Variants in CLCNKA observed in about 807,000 individuals in gnomAD.
The protein encoded by CLCNKA is chloride voltage-gated channel Ka.
In CLCNKA, 66 loss-of-function variants were observed where a neutral mutation model predicts 83.3. The observed-to-expected ratio is 0.79, with a 90% CI of 0.65 to 0.97. The LOEUF is 0.97. CLCNKA is among the 50% of genes least tolerant of loss of function. CLCNKA has a pLI of 0.00. For synonymous variants in CLCNKA, 357 were observed against 370.4 expected, an observed-to-expected ratio of 0.96 and a Z score of 0.42; for missense variants, 806 against 888.7, an observed-to-expected ratio of 0.91 and a Z score of 1.18.
intron 11 of CLCNKA, 104 bp downstream of exon 11, chr1:16,028,949 T>C: frequency 6.6e-7 from 1 of 1,513,688 alleles, no homozygotes; most frequent in Non-Finnish European, 9.1e-7. Flanking sequence ...GGGTGACACC[T>C]GGGCATCATT....
intron 8 of CLCNKA, 50 bp downstream of exon 8, chr1:16,027,485 A>T: frequency 6.2e-7 from 1 of 1,608,632 alleles, no homozygotes; most frequent in East Asian, 2.2e-5. Flanking sequence ...GGCCGGGGCG[A>T]GGGAGACCTC....
At chr1:16,028,734 G>A in intron 10 of CLCNKA, 27 bp from the exon 11 acceptor site, 2 of 1,613,582 alleles carry the variant, frequency 1.2e-6, no homozygotes, top group Non-Finnish European at 1.7e-6. Context: ...GGGAGGGCCA[G>A]CCCTAGAGCT....
chr1:16,029,107 C>A lies in CLCNKA; in HGVS notation c.1054-19C>A, dbSNP rs1462451410. ...TGGGGGGGGCCCCTCATGTCCAGTT[C>A]CCACCTGCCCCGCCACAGCTGTCCA... On this transcript the variant is annotated intron_variant, in intron 11 of 19. Coordinates refer to ENST00000331433, the MANE Select transcript of CLCNKA (RefSeq NM_004070.4). The A allele has an allele frequency of 3.1e-6, 5 of 1,609,442 alleles. No homozygotes were observed. The Admixed American group carries it at 8.3e-5, about 27-fold the overall frequency.
At chr1:16,023,668 G>A (rs1231911722) in intron 2 of CLCNKA, 132 bp from the exon 3 acceptor site, 8 of 1,020,152 alleles carry the variant, frequency 7.8e-6, no homozygotes, top group Admixed American at 2.0e-5. Context: ...TGACTCAGGC[G>A]GGGCCCCCTC....
rs2015509 is a variant in CLCNKA at position 16,031,653 on chromosome 1, T to C, written c.1623-57T>C. 0.68 allele frequency: 1,091,873 copies of C among 1,611,852 alleles called. 373,054 individuals carry two copies. The highest frequency in any genetic ancestry group is 0.98 in the East Asian group (44,005 of 44,846). On this transcript the variant is annotated intron_variant, in intron 15 of 19. Transcript: ENST00000331433. ...CAAAGCTCCCCTCAGATCCCCTTGC[T>C]GGCCTGGGTCTGACATCCCCGACTC... is the stretch of plus-strand genomic sequence containing the variant.
At chr1:16,026,484 G>C (rs1198564079) in intron 5 of CLCNKA, 52 bp from the exon 6 acceptor site, 3 of 1,585,638 alleles carry the variant, frequency 1.9e-6, no homozygotes, top group East Asian at 2.2e-5. Context: ...GTGCTGCCTC[G>C]GGGTGAGACT....
chr1:16,027,564 C>T, intron 8 of CLCNKA, 129 bp downstream of exon 8: 1 of 1,510,610 alleles, frequency 6.6e-7, no homozygotes, highest in Non-Finnish European at 9.0e-7. Context: ...CCTCCGTGTT[C>T]CCACCTCCTT....
chr1:16,029,461 G>C lies in CLCNKA; in HGVS notation c.1227+162G>C, dbSNP rs552271788. 88 of 1,178,234 alleles carry C rather than the reference G, an allele frequency of 7.5e-5. No homozygotes were observed. The Middle Eastern group carries it at 1.5e-3, about 20-fold the overall frequency. The allele number at this position is 1,178,234 out of a possible 1,614,324, so 73.0% of individuals were successfully genotyped here. A position where few individuals can be genotyped will look rare whatever the true frequency, so the allele number is the denominator to read the frequency against. ...CATGGTCCTGGATAAGTGGCTTCAG[G>C]TCTCTGGACCTCAGTCTTCCCATCT... On this transcript the variant is annotated intron_variant, in intron 12 of 19. Coordinates refer to ENST00000331433, the MANE Select transcript of CLCNKA (RefSeq NM_004070.4).
At position 16,031,816 on chromosome 1, in the gene CLCNKA, A is replaced by G. The variant is rs139001368; in HGVS notation, c.1729A>G (p.Thr577Ala). 1.3e-5 allele frequency: 21 copies of G among 1,612,312 alleles called. No individual in the cohort carries two copies. The highest frequency in any genetic ancestry group is 2.2e-5 in the South Asian group (2 of 91,008). The part of the protein sequence containing the change: ...VVKVVTSTDV[T>A]EYPLVESTES... ...CAAGGTTGTGACCTCCACAGACGTG[A>G]CCGAGTATCCCCTGGTGGAGAGCAC... The change falls in exon 16 of 20, where the codon ACC becomes GCC. Residue 577 changes from threonine (T) to alanine (A), a missense_variant. By Grantham distance (58) the Thr-to-Ala change is moderately conservative. Coordinates refer to ENST00000331433, the MANE Select transcript of CLCNKA (RefSeq NM_004070.4).
At chr1:16,032,564 G>C in intron 18 of CLCNKA, 38 bp downstream of exon 18, 1 of 1,494,678 alleles carries the variant, frequency 6.7e-7, no homozygotes, top group Non-Finnish European at 9.3e-7. Context: ...CGCAGCCCCC[G>C]GGGCAGGGCA....
chr1:16,028,866 GT>G, intron 11 of CLCNKA, 21 bp downstream of exon 11: 2 of 1,612,160 alleles, frequency 1.2e-6, no homozygotes, highest in Non-Finnish European at 1.7e-6. Flanking sequence ...CTGAGCGGGG[GT>G]GGCAGGAGTG....
chr1:16,032,237 C>G lies in CLCNKA; in HGVS notation c.1791C>G (p.Ala597=). 6.2e-7 allele frequency: 1 copy of G among 1,612,704 alleles called. No homozygotes were observed. Among genetic ancestry groups the G allele is most frequent in the Non-Finnish European group, 8.5e-7 (1 of 1,179,956 alleles). ...TCCTGGTAGGCATCGTGCAGAGGGC[C>G]CAGCTGGTGCAGGCCCTCCAGGCTG... ...SQILVGIVQR[A]QLVQALQAEP... is the part of the protein sequence containing the mutation. Residue 597 remains alanine, a synonymous_variant, in exon 17 of 20, where the codon GCC becomes GCG. Transcript: ENST00000331433.
rs2022430011 is a variant in CLCNKA at position 16,027,837 on chromosome 1, C to G, written c.798C>G (p.Leu266=). ...CTTCCCCAGAGACCATCACCTCCCTCTACAAGACCAGTTTCCGGGTGGACG... is the reference window on the plus strand; with the variant it reads ...CTTCCCCAGAGACCATCACCTCCCTGTACAAGACCAGTTTCCGGGTGGACG... The part of the protein sequence containing the change: ...FNSEQETITS[L]YKTSFRVDVP... The change falls in exon 9 of 20, where the codon CTC becomes CTG. Residue 266 remains leucine, a synonymous_variant. Transcript: ENST00000331433. 1 of 1,611,776 alleles carries G rather than the reference C, an allele frequency of 6.2e-7. No homozygotes were observed. The highest frequency in any genetic ancestry group is 1.3e-5 in the African/African-American group (1 of 74,836).
At position 16,033,155 on chromosome 1, in the gene CLCNKA, C is replaced by G; in HGVS notation, c.1930-15C>G. The G allele has an allele frequency of 6.2e-7, 1 of 1,613,656 alleles. No homozygotes were observed. The highest frequency in any genetic ancestry group is 8.5e-7 in the Non-Finnish European group (1 of 1,179,572). On this transcript the variant is annotated splice_polypyrimidine_tract_variant and intron_variant, in intron 18 of 19. Coordinates refer to ENST00000331433, the MANE Select transcript of CLCNKA (RefSeq NM_004070.4). ...CCATCTACCCTCCAGTGTTTCCTAA[C>G]AATCCCCCATCCAGGCACAAAACCT...
At chr1:16,029,442 C>T in intron 12 of CLCNKA, 143 bp downstream of exon 12, 2 of 1,327,544 alleles carry the variant, frequency 1.5e-6, no homozygotes, top group Non-Finnish European at 2.1e-6. Context: ...ACTGCATGGT[C>T]CTGGATAAGT....
intron 10 of CLCNKA, 57 bp from the exon 11 acceptor site, chr1:16,028,704 T>G: frequency 6.3e-7 from 1 of 1,595,528 alleles, no homozygotes; most frequent in African/African-American, 1.3e-5. Context: ...CCTACTTCCC[T>G]CTCCTCGGGA....
chr1:16,026,251 T>C lies in CLCNKA; in HGVS notation c.498+4T>C. ...CACCCTGTTCCTGGGCAAAGTGGTA[T>C]GGTCAGGTGTGAGGGCACCCCAGCC... On this transcript the variant is annotated splice_donor_region_variant and intron_variant, in intron 5 of 19. Transcript: ENST00000331433. 1.9e-6 allele frequency: 3 copies of C among 1,613,712 alleles called. No homozygotes were observed. Among genetic ancestry groups the C allele is most frequent in the Non-Finnish European group, 2.5e-6 (3 of 1,180,010 alleles).
intron 3 of CLCNKA, among the ~76,000 whole-genome samples, 166 bp downstream of exon 3, chr1:16,024,094 C>G (rs891652234): frequency 6.6e-6 from 1 of 152,232 alleles, no homozygotes; most frequent in Non-Finnish European, 1.5e-5. Context: ...GCTCCTGCCC[C>G]TCTCTGGGCC....
At chr1:16,031,060 T>C (rs2022605359) in intron 15 of CLCNKA, among the ~76,000 whole-genome samples, 1 of 152,170 alleles carries the variant, frequency 6.6e-6, no homozygotes, top group Non-Finnish European at 1.5e-5. Context: ...GCTGGGACTT[T>C]GGGAGCAGGA....
Sources: gnomAD v4.1 joint callset for allele counts (sites outside exome capture counted in the v4.1 genomes callset) on GRCh38, gnomAD v4.1.1 for gene constraint, MANE v1.5 for transcripts, NCBI Gene and HGNC (gene_info 2026-07-23, HGNC 2026-07-21) for gene names.